PSMD3: variants seen among roughly 807,000 people sequenced by gnomAD.
The protein encoded by PSMD3 is 26S proteasome non-ATPase regulatory subunit 3.
In PSMD3, 5 loss-of-function variants were observed where a neutral mutation model predicts 62.8. The ratio of observed to expected loss-of-function variants is 0.08; its 90% CI spans 0.04 to 0.17. PSMD3 has a LOEUF of 0.17. PSMD3 is among the 10% of genes least tolerant of loss of function. The probability of loss-of-function intolerance (pLI) is 1.00; values close to 1 mark genes in which losing one functional copy is unlikely to be tolerated. For synonymous variants in PSMD3, 265 were observed against 283.9 expected, an observed-to-expected ratio of 0.93 and a Z score of 0.67; for missense variants, 524 against 713.6, an observed-to-expected ratio of 0.73 and a Z score of 3.03.
chr17:39,981,704 A>G (rs1416461003), intron 1 of PSMD3, among the ~76,000 whole-genome samples: 1 of 152,050 alleles, frequency 6.6e-6, no homozygotes, highest in Admixed American at 6.6e-5. Context: ...CTTGTTTCCT[A>G]CTTCTCTAAC....
intron 6 of PSMD3, among the ~76,000 whole-genome samples, chr17:39,990,805 G>C (rs918421902): frequency 2.6e-5 from 4 of 152,152 alleles, no homozygotes; most frequent in Non-Finnish European, 5.9e-5. Flanking sequence ...TTTGGAAACT[G>C]TATTGTCTGT....
rs59894264 is a variant in PSMD3 at position 39,992,024 on chromosome 17, C to CAAAAAA, written c.981+1831_981+1836dup. Among the ~76,000 whole-genome samples the CAAAAAA allele has an allele frequency of 1.9e-4, 19 of 102,066 alleles. 2 individuals are homozygous for CAAAAAA. Among genetic ancestry groups the CAAAAAA allele is most frequent in the Non-Finnish European group, 2.8e-4 (13 of 46,592 alleles). 67.0% of individuals were successfully genotyped at this position (102,066 alleles called of 152,430 possible). ...TGGGCGACAGAGCAAGACTCTGTCT[C>CAAAAAA]AAAAAAAAACAAACATTAAAATTGA... On this transcript the variant is annotated intron_variant, in intron 6 of 11. Transcript: ENST00000264639.
Position 39,996,378 on chromosome 17 carries a change from C to G in PSMD3, c.1476+40C>G, listed in dbSNP as rs767757855. The G allele has an allele frequency of 6.3e-7, 1 of 1,599,162 alleles. No homozygotes were observed. The highest frequency in any genetic ancestry group is 1.3e-5 in the African/African-American group (1 of 74,540). ...GCTGCAGAGTCACGCCTGGCAGCAG[C>G]ACACCCCTCCCTCCACACTCATGGA... On this transcript the variant is annotated intron_variant, in intron 10 of 11. Transcript: ENST00000264639. This position sits in a 1 kb window ranked among gnomAD's most constrained non-coding sequence, Gnocchi z 5.1.
At chr17:39,984,241 G>A in intron 1 of PSMD3, 53 bp from the exon 2 acceptor site, 1 of 1,227,606 alleles carries the variant, frequency 8.1e-7, no homozygotes, top group Non-Finnish European at 1.1e-6. Context: ...TGCCTGGAGT[G>A]GTGGGGGACT....
chr17:39,987,845 C>T (rs946713413), intron 3 of PSMD3, among the ~76,000 whole-genome samples: 4 of 152,184 alleles, frequency 2.6e-5, no homozygotes, highest in Non-Finnish European at 5.9e-5. Context: ...TGGTGGCTCA[C>T]GCCTGTAATC....
chr17:39,985,049 G>A (rs1980490558), intron 2 of PSMD3, among the ~76,000 whole-genome samples: 1 of 151,992 alleles, frequency 6.6e-6, no homozygotes, highest in Non-Finnish European at 1.5e-5. Context: ...GCGACATGGT[G>A]AGACCCTGTC....
Position 39,995,851 on chromosome 17 carries a change from G to T in PSMD3, c.1320+324G>T. 2 of 481,170 alleles carry T rather than the reference G, an allele frequency of 4.2e-6. No individual in the cohort carries two copies. Among genetic ancestry groups the T allele is most frequent in the South Asian group, 2.1e-5 (1 of 48,514 alleles). 29.8% of individuals were successfully genotyped at this position (481,170 alleles called of 1,614,324 possible). A position where few individuals can be genotyped will look rare whatever the true frequency, so the allele number is the denominator to read the frequency against. The stretch of plus-strand genomic sequence containing the variant: ...TGGGCGTGCTGGGCCAGGCGCAGTG[G>T]CTCATGCCTGTAATCCCAGCACTTT... On this transcript the variant is annotated intron_variant, in intron 9 of 11. Coordinates refer to ENST00000264639, the MANE Select transcript of PSMD3 (RefSeq NM_002809.4). The surrounding 1 kb of genome is among the most constrained non-coding windows in gnomAD (Gnocchi z 4.1).
Position 39,996,010 on chromosome 17 carries a change from T to C in PSMD3, c.1321-173T>C. 1.4e-6 allele frequency: 1 copy of C among 733,696 alleles called. No individual in the cohort carries two copies. The allele number at this position is 733,696 out of a possible 1,614,324, so 45.4% of individuals were successfully genotyped here. A position where few individuals can be genotyped will look rare whatever the true frequency, so the allele number is the denominator to read the frequency against. On this transcript the variant is annotated intron_variant, in intron 9 of 11. Transcript: ENST00000264639. This position sits in a 1 kb window ranked among gnomAD's most constrained non-coding sequence, Gnocchi z 5.1. ...GGCAGGTTCCTGTAATCCCAGCTAC[T>C]TGGGAGGCTGAGGCAGGAGAATCGC...
chr17:39,981,306 C>T (rs1980378757), intron 1 of PSMD3, 116 bp downstream of exon 1: 3 of 1,459,020 alleles, frequency 2.1e-6, no homozygotes, highest in African/African-American at 2.8e-5. Context: ...TTTGGGATCA[C>T]CCCCAGATAC....
At position 39,980,887 on chromosome 17, in the gene PSMD3, C is replaced by T. The variant is rs1980362162; in HGVS notation, c.-84C>T. 1 of 1,254,842 alleles carries T rather than the reference C, an allele frequency of 8.0e-7. No individual in the cohort carries two copies. Among genetic ancestry groups the T allele is most frequent in the Non-Finnish European group, 1.1e-6 (1 of 938,828 alleles). The allele number at this position is 1,254,842 out of a possible 1,614,324, so 77.7% of individuals were successfully genotyped here. A position where few individuals can be genotyped will look rare whatever the true frequency, so the allele number is the denominator to read the frequency against. On this transcript the variant is annotated 5_prime_UTR_variant, in exon 1 of 12. Coordinates refer to ENST00000264639, the MANE Select transcript of PSMD3 (RefSeq NM_002809.4). Reference sequence around the variant, plus strand: ...CGCTATCTCGCGCTCGTGTGCAGGCCCGGCTCGGCTCCTGGTCCCCGGTGC... The same window carrying T: ...CGCTATCTCGCGCTCGTGTGCAGGCTCGGCTCGGCTCCTGGTCCCCGGTGC...
rs1980472325 is a variant in PSMD3 at position 39,984,416 on chromosome 17, A to G, written c.343A>G (p.Lys115Glu). ...CCGCCTCAACCACTATGTTCTGTAT[A>G]AGGCTGTGCAGGGCTTCTTCACTTC... ...SRRLNHYVLYKAVQGFFTSNN... is the reference protein window; with the variant it reads ...SRRLNHYVLYEAVQGFFTSNN... The change falls in exon 2 of 12, where the codon AAG (lysine) becomes GAG (glutamate). Residue 115 changes from lysine (K) to glutamate (E), a missense_variant. Coordinates refer to ENST00000264639, the MANE Select transcript of PSMD3 (RefSeq NM_002809.4). 1.9e-6 allele frequency: 3 copies of G among 1,613,592 alleles called. No homozygotes were observed. The highest frequency in any genetic ancestry group is 1.7e-6 in the Non-Finnish European group (2 of 1,179,968).
chr17:39,997,286 C>A, intron 10 of PSMD3, 44 bp from the exon 11 acceptor site: 1 of 1,602,510 alleles, frequency 6.2e-7, no homozygotes, highest in Non-Finnish European at 8.5e-7. Context: ...AGTGCCTCAC[C>A]TGCTTCCTTC....
At chr17:39,993,471 T>C (rs3785549) in intron 6 of PSMD3, 84,818 of 151,462 alleles carry the variant, frequency 0.56, 23,950 homozygotes, top group Middle Eastern at 0.73. Context: ...CCCAAAGAGA[T>C]CCCTCCTGGC....
At position 39,980,856 on chromosome 17, in the gene PSMD3, G is replaced by T; in HGVS notation, c.-115G>T. ...TTTGCAGCTGCTCCGTCATCGTGCG[G>T]CCCGACGCTATCTCGCGCTCGTGTG... On this transcript the variant is annotated 5_prime_UTR_variant, in exon 1 of 12. Coordinates refer to ENST00000264639, the MANE Select transcript of PSMD3 (RefSeq NM_002809.4). 3 of 961,592 alleles carry T rather than the reference G, an allele frequency of 3.1e-6. No individual in the cohort carries two copies. The highest frequency in any genetic ancestry group is 4.4e-6 in the Non-Finnish European group (3 of 680,418). 59.6% of individuals were successfully genotyped at this position (961,592 alleles called of 1,614,324 possible). A position where few individuals can be genotyped will look rare whatever the true frequency, so the allele number is the denominator to read the frequency against.
chr17:39,990,177 G>A lies in PSMD3; in HGVS notation c.961G>A (p.Ala321Thr). 1 of 1,613,212 alleles carries A rather than the reference G, an allele frequency of 6.2e-7. No individual in the cohort carries two copies. Among genetic ancestry groups the A allele is most frequent in the Non-Finnish European group, 8.5e-7 (1 of 1,179,796 alleles). Residue 321 changes from alanine to threonine, a missense_variant, in exon 6 of 12, where the codon GCT becomes ACT. Physicochemically the swap from Ala to Thr is moderately conservative, Grantham distance 58. This residue lies in a region of PSMD3 where 396 missense variants were observed against 475.8 expected (regional missense o/e 0.83). Transcript: ENST00000264639. ...NALRKAPQHTAVGFKQTVHKL... is the reference protein window; with the variant it reads ...NALRKAPQHTTVGFKQTVHKL... ...CCTTCGCAAGGCCCCTCAGCACACA[G>A]CTGTCGGCTTCAAACAGACGGTGAG...
In PSMD3 at chr17:39,989,781, C is replaced by T. The variant is rs199540645; in HGVS notation, c.729C>T (p.Asp243=). Residue 243 remains aspartate, a synonymous_variant, in exon 5 of 12, where the codon GAC becomes GAT. Transcript: ENST00000264639. ...TCCGGACAGCTACGCTTCGGCATGA[C>T]GCAGACGGGCAGGCCACCCTGTTGA... The part of the protein sequence containing the change: ...ARLRTATLRH[D]ADGQATLLNL... The T allele has an allele frequency of 1.4e-4, 233 of 1,613,990 alleles. No individual in the cohort carries two copies. The highest frequency in any genetic ancestry group is 2.0e-4 in the East Asian group (9 of 44,904).
intron 4 of PSMD3, among the ~76,000 whole-genome samples, chr17:39,989,471 ATCTT>A (rs1980602820): frequency 6.6e-6 from 1 of 152,062 alleles, no homozygotes; most frequent in South Asian, 2.1e-4. Context: ...CAGGCCTCCC[ATCTT>A]CTGTCACACT....
At chr17:39,990,220 C>G (rs1210953212) in intron 6 of PSMD3, 23 bp downstream of exon 6, 2 of 1,527,274 alleles carry the variant, frequency 1.3e-6, no homozygotes, top group Non-Finnish European at 1.8e-6. Context: ...TACCATCATC[C>G]CTTTGCCTCT....
intron 6 of PSMD3, 30 bp from the exon 7 acceptor site, chr17:39,994,924 C>T: frequency 6.3e-7 from 1 of 1,593,602 alleles, no homozygotes. Flanking sequence ...GGGCTCCCTG[C>T]CCACTGTGTT....
Sources: gnomAD v4.1 joint callset for allele counts (sites outside exome capture counted in the v4.1 genomes callset) on GRCh38, gnomAD v4.1.1 for gene constraint, gnomAD v4.1.1 regional missense constraint, Gnocchi (gnomAD v3.1) non-coding constraint, MANE v1.5 for transcripts, NCBI Gene and HGNC (gene_info 2026-07-23, HGNC 2026-07-21) for gene names.